Variants in PIP4K2A observed in about 807,000 individuals in gnomAD.
PIP4K2A encodes phosphatidylinositol-5-phosphate 4-kinase type 2 alpha.
In PIP4K2A, 14 loss-of-function variants were observed where a neutral mutation model predicts 42.9. The observed-to-expected ratio is 0.33, with a 90% confidence interval of 0.22 to 0.51. The LOEUF is 0.51. PIP4K2A is among the 20% of genes least tolerant of loss of function. The pLI is 0.97. For missense variants in PIP4K2A, 434 were observed against 519.8 expected, an observed-to-expected ratio of 0.83 and a Z score of 1.61; for synonymous variants, 192 against 192.2, an observed-to-expected ratio of 1.00 and a Z score of 0.01.
At chr10:22,654,498 G>A (rs1839056919) in intron 1 of PIP4K2A, among the ~76,000 whole-genome samples, 1 of 152,172 alleles carries the variant, frequency 6.6e-6, no homozygotes, top group Non-Finnish European at 1.5e-5. Context: ...TCTTAACATG[G>A]GCTAAGATTT....
chr10:22,709,101 GCAGA>G (rs1360216802), intron 1 of PIP4K2A, among the ~76,000 whole-genome samples: 2 of 150,912 alleles, frequency 1.3e-5, no homozygotes, highest in African/African-American at 4.9e-5. Context: ...GCCTAATTTA[GCAGA>G]CTTTTTTTTT....
chr10:22,631,414 C>T (rs1164206523), intron 1 of PIP4K2A, among the ~76,000 whole-genome samples: 1 of 152,118 alleles, frequency 6.6e-6, no homozygotes, highest in African/African-American at 2.4e-5. Flanking sequence ...CCAGCCCAGG[C>T]CCACCATGTG....
chr10:22,635,807 G>A (rs1018160655), intron 1 of PIP4K2A, among the ~76,000 whole-genome samples: 2 of 152,178 alleles, frequency 1.3e-5, no homozygotes, highest in East Asian at 1.9e-4. Flanking sequence ...CCAAGCAACA[G>A]GTGCTAGGAA....
chr10:22,559,227 T>C (rs1408971722), intron 6 of PIP4K2A, among the ~76,000 whole-genome samples: 1 of 152,248 alleles, frequency 6.6e-6, no homozygotes, highest in African/African-American at 2.4e-5. Flanking sequence ...TACACATCTG[T>C]AGCAGCTTGG....
chr10:22,596,477 G>A (rs558660400), intron 3 of PIP4K2A, among the ~76,000 whole-genome samples: 2 of 152,344 alleles, frequency 1.3e-5, no homozygotes, highest in South Asian at 4.1e-4. Flanking sequence ...CATGAGCTCA[G>A]GGAAGGAGGT....
intron 1 of PIP4K2A, among the ~76,000 whole-genome samples, chr10:22,675,716 T>C (rs1564464032): frequency 1.3e-5 from 2 of 152,192 alleles, no homozygotes; most frequent in South Asian, 2.1e-4. Context: ...ATGATCAATG[T>C]AGTACAATTC....
intron 1 of PIP4K2A, among the ~76,000 whole-genome samples, chr10:22,699,756 A>G (rs1471241502): frequency 2.6e-5 from 4 of 152,168 alleles, no homozygotes; most frequent in Admixed American, 1.3e-4. Context: ...GTAAATACAA[A>G]CACTTTTATT....
rs144170236 is a variant in PIP4K2A, at chr10:22,611,088, G to A, written c.145-1371C>T. Among the ~76,000 whole-genome samples, 177 of 152,256 alleles carry A rather than the reference G, an allele frequency of 1.2e-3. 3 individuals are homozygous for A. In the East Asian group the frequency reaches 0.03, roughly 26 times the overall value. On this transcript the variant is annotated intron_variant, in intron 1 of 9. Coordinates refer to ENST00000376573, the MANE Select transcript of PIP4K2A (RefSeq NM_005028.5). ...TCAGAATTTTCCACAATTAATGCAC[G>A]TTATAAATCTGTAGATACAGTTGGG...
chr10:22,615,933 T>C (rs1361235464), intron 1 of PIP4K2A, among the ~76,000 whole-genome samples: 2 of 151,746 alleles, frequency 1.3e-5, no homozygotes, highest in Non-Finnish European at 3.0e-5. Flanking sequence ...GAGCGACTTC[T>C]TGTTCCTGTT....
chr10:22,591,874 C>A, intron 3 of PIP4K2A, 93 bp from the exon 4 acceptor site: 2 of 1,131,418 alleles, frequency 1.8e-6, no homozygotes, highest in South Asian at 3.7e-5. Flanking sequence ...GTCATCATTG[C>A]AAGTTTTCAA....
chr10:22,635,126 G>A (rs1838635685), intron 1 of PIP4K2A, among the ~76,000 whole-genome samples: 1 of 152,050 alleles, frequency 6.6e-6, no homozygotes, highest in Non-Finnish European at 1.5e-5. Context: ...AGATTTGGGG[G>A]GCAGTGACAC....
At chr10:22,538,390 T>C (rs1835993643) in intron 9 of PIP4K2A, among the ~76,000 whole-genome samples, 1 of 152,204 alleles carries the variant, frequency 6.6e-6, no homozygotes, top group Non-Finnish European at 1.5e-5. Flanking sequence ...TTGGCTAGGA[T>C]ACACTCCAAT....
chr10:22,658,103 C>A (rs1839137559), intron 1 of PIP4K2A, among the ~76,000 whole-genome samples: 1 of 152,172 alleles, frequency 6.6e-6, no homozygotes. Flanking sequence ...ACTCACCCCA[C>A]AGGGAAAATG....
At chr10:22,584,602 A>C (rs560652743) in intron 4 of PIP4K2A, among the ~76,000 whole-genome samples, 29 of 152,136 alleles carry the variant, frequency 1.9e-4, no homozygotes, top group Non-Finnish European at 2.4e-4. Context: ...GCTCCCCATG[A>C]AACTAGGAGG....
In PIP4K2A at chr10:22,535,926, GTC is replaced by G. The variant is rs1835907414; in HGVS notation, c.*1273_*1274del. On this transcript the variant is annotated 3_prime_UTR_variant, in exon 10 of 10. Coordinates refer to ENST00000376573, the MANE Select transcript of PIP4K2A (RefSeq NM_005028.5). The stretch of plus-strand genomic sequence containing the variant: ...CCTTTTCCTTTTATTGTGAAAGACT[GTC>G]TACCATGTACTTTGACTAAAACACT... 2.6e-6 allele frequency: 1 copy of G among 391,970 alleles called. No individual in the cohort carries two copies. Among genetic ancestry groups the G allele is most frequent in the East Asian group, 3.6e-5 (1 of 27,722 alleles). The allele number at this position is 391,970 out of a possible 1,614,324, so 24.3% of individuals were successfully genotyped here. A position where few individuals can be genotyped will look rare whatever the true frequency, so the allele number is the denominator to read the frequency against.
chr10:22,656,794 T>C (rs1258860331), intron 1 of PIP4K2A, among the ~76,000 whole-genome samples: 3 of 140,104 alleles, frequency 2.1e-5, no homozygotes, highest in African/African-American at 8.1e-5. Context: ...CCAGACTCCA[T>C]CTCAAAAAAA....
intron 5 of PIP4K2A, among the ~76,000 whole-genome samples, chr10:22,569,719 T>C (rs1017907308): frequency 2.0e-5 from 3 of 152,158 alleles, no homozygotes; most frequent in Non-Finnish European, 4.4e-5. Flanking sequence ...TAATCCACCC[T>C]GCTTCTGATT....
chr10:22,613,382 G>A (rs1005757250), intron 1 of PIP4K2A, among the ~76,000 whole-genome samples: 1 of 152,134 alleles, frequency 6.6e-6, no homozygotes, highest in Non-Finnish European at 1.5e-5. Context: ...AGCACTTCTC[G>A]AGAAAGTGGG....
chr10:22,630,727 G>A (rs1057083196), intron 1 of PIP4K2A, among the ~76,000 whole-genome samples: 7 of 152,204 alleles, frequency 4.6e-5, no homozygotes, highest in Non-Finnish European at 1.0e-4. Context: ...AGCAACAGCA[G>A]AATTCATATT....
Sources: gnomAD v4.1 joint callset for allele counts (sites outside exome capture counted in the v4.1 genomes callset) on GRCh38, gnomAD v4.1.1 for gene constraint, MANE v1.5 for transcripts, NCBI Gene and HGNC (gene_info 2026-07-23, HGNC 2026-07-21) for gene names.